Variants in PHF6 observed in about 807,000 individuals in gnomAD.
The protein encoded by PHF6 is PHD-like zinc finger protein.
A neutral mutation model predicts 34.0 loss-of-function variants in PHF6; 7 were observed. The observed-to-expected ratio is 0.21, with a 90% confidence interval of 0.12 to 0.39. PHF6 has a LOEUF of 0.39. Ranked by LOEUF, PHF6 falls within the 10% of genes least tolerant of loss-of-function variation. The pLI is 1.00. For synonymous variants in PHF6, 89 were observed against 88.4 expected (o/e 1.01, Z -0.04); for missense variants, 128 against 262.8 (o/e 0.49, Z 3.55).
At chrX:134,407,765 G>T (rs2077431545) in intron 5 of PHF6, among the ~76,000 whole-genome samples, 1 of 110,725 alleles carries the variant, frequency 9.0e-6, no homozygotes, top group South Asian at 4.0e-4. Context: ...GAAGATCCAA[G>T]ATTCAAACTG....
intron 5 of PHF6, among the ~76,000 whole-genome samples, chrX:134,407,178 G>GA (rs2077428788): frequency 8.9e-6 from 1 of 112,218 alleles, no homozygotes; most frequent in Non-Finnish European, 1.9e-5. Context: ...GTGGTGGGTG[G>GA]AGGGGGTGTT....
chrX:134,409,178 C>G (rs748498638), intron 5 of PHF6, among the ~76,000 whole-genome samples: 1 of 111,783 alleles, frequency 8.9e-6, no homozygotes, highest in Non-Finnish European at 1.9e-5. Flanking sequence ...TCATAGTTTA[C>G]TTTACAATTA....
At chrX:134,378,320 A>AT (rs774420177) in intron 3 of PHF6, among the ~76,000 whole-genome samples, 5 of 110,698 alleles carry the variant, frequency 4.5e-5, no homozygotes, top group East Asian at 2.8e-4. Context: ...ATACTATTCA[A>AT]TTTTTTTTGC....
At chrX:134,403,095 G>T (rs1485706201) in intron 5 of PHF6, among the ~76,000 whole-genome samples, 1 of 111,942 alleles carries the variant, frequency 8.9e-6, no homozygotes, top group Non-Finnish European at 1.9e-5. Flanking sequence ...GTAAAAGGAA[G>T]AGTTGTACCT....
Position 134,394,334 on chromosome X carries a change from G to C in PHF6, c.418+382G>C, listed in dbSNP as rs2077367503. Among the ~76,000 whole-genome samples, 5 of 110,332 alleles carry C rather than the reference G, an allele frequency of 4.5e-5. No individual in the cohort carries two copies. In the South Asian group the frequency reaches 1.9e-3, roughly 42 times the overall value. ...TTTTTAATAGAGATGGGGTTTCACT[G>C]TGTTGGCCAGGCTGGTCTTGAACTC... is the stretch of plus-strand genomic sequence containing the variant. On this transcript the variant is annotated intron_variant, in intron 5 of 10. Transcript: ENST00000370803.
chrX:134,379,557 C>T (rs2077296831), intron 3 of PHF6, among the ~76,000 whole-genome samples: 1 of 106,552 alleles, frequency 9.4e-6, no homozygotes, highest in South Asian at 4.3e-4. Flanking sequence ...ATTCTCCTGC[C>T]TCAGCCTCCC....
At chrX:134,378,214 T>G in intron 3 of PHF6, 108 bp downstream of exon 3, 1 of 479,315 alleles carries the variant, frequency 2.1e-6, no homozygotes, top group Non-Finnish European at 3.4e-6. Context: ...TAATTTTAAA[T>G]TGCAGGCTTT....
Position 134,425,198 on chromosome X carries a change from T to C in PHF6, c.969-3T>C. 1 of 1,210,285 alleles carries C rather than the reference T, an allele frequency of 8.3e-7. No individual in the cohort carries two copies. The highest frequency in any genetic ancestry group is 1.1e-6 in the Non-Finnish European group (1 of 894,298). On this transcript the variant is annotated splice_region_variant and splice_polypyrimidine_tract_variant and intron_variant, in intron 9 of 10. Coordinates refer to ENST00000370803, the MANE Select transcript of PHF6 (RefSeq NM_001015877.2). ...TTGAGATTTTTGTCTTTCATCATTG[T>C]AGACTATACTGTAAAAATCATAGTG...
chrX:134,428,051 A>G lies in PHF6; in HGVS notation c.*2391A>G. On this transcript the variant is annotated 3_prime_UTR_variant, in exon 11 of 11. Coordinates refer to ENST00000370803, the MANE Select transcript of PHF6 (RefSeq NM_001015877.2). ...TATAACATTTACATCATTTCAAAAAATACTGCCGTTACTGTCTTTTATGCA... is the reference window on the plus strand; with the variant it reads ...TATAACATTTACATCATTTCAAAAAGTACTGCCGTTACTGTCTTTTATGCA... 1 of 155,834 alleles carries G rather than the reference A, an allele frequency of 6.4e-6. No individual in the cohort carries two copies. The highest frequency in any genetic ancestry group is 1.3e-5 in the Non-Finnish European group (1 of 79,834). The allele number at this position is 155,834 out of a possible 1,213,427, so 12.8% of individuals were successfully genotyped here.
chrX:134,397,704 A>G (rs2077383293), intron 5 of PHF6, among the ~76,000 whole-genome samples: 1 of 111,921 alleles, frequency 8.9e-6, no homozygotes, highest in South Asian at 3.7e-4. Flanking sequence ...ATCAATGGTG[A>G]CAGTTAACTG....
intron 9 of PHF6, among the ~76,000 whole-genome samples, chrX:134,421,146 A>G (rs765369174): frequency 3.6e-5 from 4 of 111,355 alleles, no homozygotes; most frequent in Non-Finnish European, 5.6e-5. Context: ...TTGCTTTCTC[A>G]CCTAAAAGAC....
At chrX:134,396,856 G>A (rs2077379486) in intron 5 of PHF6, among the ~76,000 whole-genome samples, 2 of 104,215 alleles carry the variant, frequency 1.9e-5, no homozygotes, top group Admixed American at 2.1e-4. Flanking sequence ...TTGTATTTCA[G>A]GGACTGTCTT....
intron 1 of PHF6, among the ~76,000 whole-genome samples, chrX:134,377,225 GCTGT>G (rs2077281469): frequency 1.8e-5 from 2 of 111,678 alleles, no homozygotes; most frequent in Admixed American, 9.6e-5. Flanking sequence ...ACTTCATTTA[GCTGT>G]CTGTTATCTA....
intron 5 of PHF6, among the ~76,000 whole-genome samples, chrX:134,398,312 C>G (rs1207108878): frequency 9.0e-6 from 1 of 111,568 alleles, no homozygotes; most frequent in Non-Finnish European, 1.9e-5. Flanking sequence ...ATTACTTGAG[C>G]CCAGAATTTC....
chrX:134,378,461 T>G (rs1408233572), intron 3 of PHF6, among the ~76,000 whole-genome samples: 2 of 112,254 alleles, frequency 1.8e-5, no homozygotes, highest in Admixed American at 1.9e-4. Flanking sequence ...TGTTTTCATC[T>G]CCATCATAAA....
Position 134,390,977 on chromosome X carries a change from C to CTT in PHF6, c.241-2511_241-2510dup, listed in dbSNP as rs1216287733. On this transcript the variant is annotated intron_variant, in intron 3 of 10. Transcript: ENST00000370803. Reference sequence around the variant, plus strand: ...CTTTTTCTTTTTTTCTTTTTTTTTTCTTTTTTTTTTTTTTGTGATGGAGTT... The same window carrying CTT: ...CTTTTTCTTTTTTTCTTTTTTTTTTCTTTTTTTTTTTTTTTTGTGATGGAGTT... Among the ~76,000 whole-genome samples, 58 of 71,465 alleles carry CTT rather than the reference C, an allele frequency of 8.1e-4. 1 individual carries two copies. Among genetic ancestry groups the CTT allele is most frequent in the African/African-American group, 2.8e-3 (54 of 19,622 alleles). The allele number at this position is 71,465 out of a possible 115,157, so 62.1% of individuals were successfully genotyped here.
At chrX:134,388,409 A>AT (rs201274243) in intron 3 of PHF6, among the ~76,000 whole-genome samples, 29 of 109,583 alleles carry the variant, frequency 2.6e-4, no homozygotes, top group East Asian at 1.1e-3. Context: ...AGCTTTTGGC[A>AT]TTTTTTTTTC....
chrX:134,425,066 T>C (rs973858213), intron 9 of PHF6, 135 bp from the exon 10 acceptor site: 17 of 709,881 alleles, frequency 2.4e-5, no homozygotes, highest in South Asian at 9.8e-5. Context: ...CTGTAACTAA[T>C]TGGGGAGTAT....
intron 3 of PHF6, among the ~76,000 whole-genome samples, chrX:134,382,347 C>G (rs1365941618): frequency 9.0e-6 from 1 of 111,279 alleles, no homozygotes; most frequent in East Asian, 2.8e-4. Flanking sequence ...TCTACTGAAG[C>G]CATATGGAGA....
Sources: gnomAD v4.1 joint callset for allele counts (sites outside exome capture counted in the v4.1 genomes callset) on GRCh38, gnomAD v4.1.1 for gene constraint, MANE v1.5 for transcripts, NCBI Gene and HGNC (gene_info 2026-07-23, HGNC 2026-07-21) for gene names.